IL6R: variants seen among roughly 807,000 people sequenced by gnomAD.
IL6R encodes the protein interleukin-6 receptor subunit alpha.
IL6R carries 38 observed loss-of-function variants against 48.3 expected under a neutral mutation model. The observed-to-expected ratio is 0.79, with a 90% confidence interval of 0.61 to 1.03. IL6R has a LOEUF of 1.03. Ranked by LOEUF, IL6R falls within the 50% of genes least tolerant of loss-of-function variation. The pLI, the probability that IL6R is intolerant of heterozygous loss-of-function variation, is 0.00. For synonymous variants in IL6R, 264 were observed against 256.2 expected (o/e 1.03, Z -0.29); for missense variants, 534 against 618.3 (o/e 0.86, Z 1.45).
chr1:154,431,171 C>T (rs1378244968), intron 3 of IL6R, among the ~76,000 whole-genome samples: 1 of 152,132 alleles, frequency 6.6e-6, no homozygotes, highest in Non-Finnish European at 1.5e-5. Flanking sequence ...GAAGTCACGC[C>T]TGCCTGGGGG....
At chr1:154,410,496 C>A (rs1043279565) in intron 1 of IL6R, among the ~76,000 whole-genome samples, 1 of 152,244 alleles carries the variant, frequency 6.6e-6, no homozygotes, top group African/African-American at 2.4e-5. Context: ...AGCAGTTCAC[C>A]CGCCTTGGCC....
rs1691659758 is a variant in IL6R at position 154,468,673 on chromosome 1, G to A, written c.*3293G>A. 6.6e-6 allele frequency: 1 copy of A among 152,262 alleles called. No individual in the cohort carries two copies. The highest frequency in any genetic ancestry group is 2.4e-5 in the African/African-American group (1 of 41,466). The allele number at this position is 152,262 out of a possible 1,614,324, so 9.4% of individuals were successfully genotyped here. ...GTTGCCGCGGCAGGTTGTGGAATCT[G>A]TTGCTGGAACCAGGCTGGAAGCCCA... On this transcript the variant is annotated 3_prime_UTR_variant, in exon 10 of 10. Coordinates refer to ENST00000368485, the MANE Select transcript of IL6R (RefSeq NM_000565.4).
chr1:154,456,005 C>G (rs1382155685), intron 9 of IL6R, among the ~76,000 whole-genome samples: 1 of 151,672 alleles, frequency 6.6e-6, no homozygotes, highest in Non-Finnish European at 1.5e-5. Context: ...TGCAGTGAGC[C>G]AAGATTGCGC....
intron 6 of IL6R, among the ~76,000 whole-genome samples, chr1:154,445,655 C>T (rs1484574935): frequency 2.0e-5 from 3 of 151,414 alleles, no homozygotes; most frequent in Non-Finnish European, 4.4e-5. Flanking sequence ...GAGGCTGAGG[C>T]AGGAGAATGG....
intron 3 of IL6R, 129 bp from the exon 4 acceptor site, chr1:154,434,389 AC>A: frequency 1.4e-6 from 1 of 693,564 alleles, no homozygotes; most frequent in Non-Finnish European, 2.5e-6. Flanking sequence ...AGAAAAGGAG[AC>A]TTAGAGGCAC....
intron 1 of IL6R, among the ~76,000 whole-genome samples, chr1:154,415,894 G>A (rs1688315757): frequency 6.6e-6 from 1 of 152,116 alleles, no homozygotes; most frequent in South Asian, 2.1e-4. Context: ...CAAGAGGGGA[G>A]GCAGAGGTTG....
At chr1:154,439,324 T>G (rs986928337) in intron 6 of IL6R, among the ~76,000 whole-genome samples, 1 of 152,230 alleles carries the variant, frequency 6.6e-6, no homozygotes, top group Non-Finnish European at 1.5e-5. Context: ...ATTATTATTA[T>G]TATTTTTTGA....
In IL6R at chr1:154,441,674, C is replaced by T. The variant is rs182239273; in HGVS notation, c.949+5564C>T. On this transcript the variant is annotated intron_variant, in intron 6 of 9. Coordinates refer to ENST00000368485, the MANE Select transcript of IL6R (RefSeq NM_000565.4). ...ACCACGGTTATTTGGCTGTTAGGGACGCATCAGTGTACTAAACACTGTATC... is the reference window on the plus strand; with the variant it reads ...ACCACGGTTATTTGGCTGTTAGGGATGCATCAGTGTACTAAACACTGTATC... Among the ~76,000 whole-genome samples the T allele has an allele frequency of 1.4e-4, 21 of 152,150 alleles. 1 individual carries two copies. The highest frequency in any genetic ancestry group is 2.9e-4 in the African/African-American group (12 of 41,504).
At chr1:154,425,215 T>C (rs1688898499) in intron 1 of IL6R, among the ~76,000 whole-genome samples, 1 of 152,122 alleles carries the variant, frequency 6.6e-6, no homozygotes, top group Non-Finnish European at 1.5e-5. Context: ...GAGGCAGAAA[T>C]TGGGCATAAG....
intron 1 of IL6R, among the ~76,000 whole-genome samples, chr1:154,413,161 C>A (rs1688131475): frequency 6.6e-6 from 1 of 152,104 alleles, no homozygotes; most frequent in Admixed American, 6.6e-5. Context: ...ACCACCAAGC[C>A]AGGCTAATTT....
At position 154,405,556 on chromosome 1, in the gene IL6R, G is replaced by A; in HGVS notation, c.-74G>A. ...CCGCCCACCGCCCCGCCCCGCCCCT[G>A]CCACCCCTGCCGCCCGGTTCCCATT... On this transcript the variant is annotated 5_prime_UTR_variant, in exon 1 of 10. Transcript: ENST00000368485. This position sits in a 1 kb window ranked among gnomAD's most constrained non-coding sequence, Gnocchi z 5.2. 1 of 85,364 alleles carries A rather than the reference G, an allele frequency of 1.2e-5. No individual in the cohort carries two copies. Among genetic ancestry groups the A allele is most frequent in the Non-Finnish European group, 1.8e-5 (1 of 55,350 alleles). 5.3% of individuals were successfully genotyped at this position (85,364 alleles called of 1,614,324 possible). A position where few individuals can be genotyped will look rare whatever the true frequency, so the allele number is the denominator to read the frequency against.
intron 1 of IL6R, among the ~76,000 whole-genome samples, chr1:154,421,100 G>C (rs745514347): frequency 4.6e-5 from 7 of 152,210 alleles, no homozygotes; most frequent in Non-Finnish European, 8.8e-5. Context: ...CTCCCTGTAT[G>C]TGACCCTGGC....
At chr1:154,457,673 G>T (rs1033006839) in intron 9 of IL6R, among the ~76,000 whole-genome samples, 2 of 152,142 alleles carry the variant, frequency 1.3e-5, no homozygotes, top group Non-Finnish European at 2.9e-5. Context: ...AAATTTTTCG[G>T]TGTTCACAAT....
intron 9 of IL6R, among the ~76,000 whole-genome samples, chr1:154,463,839 G>T (rs1691393157): frequency 6.6e-6 from 1 of 152,222 alleles, no homozygotes; most frequent in Non-Finnish European, 1.5e-5. Flanking sequence ...TGATCAGAAA[G>T]ATGTCTATCT....
intron 9 of IL6R, among the ~76,000 whole-genome samples, chr1:154,464,794 A>G (rs541996187): frequency 2.0e-5 from 3 of 152,122 alleles, no homozygotes; most frequent in East Asian, 3.9e-4. Flanking sequence ...CCCTGTCTCT[A>G]TGAGAAATAC....
At chr1:154,413,685 A>C (rs1688168237) in intron 1 of IL6R, among the ~76,000 whole-genome samples, 1 of 151,352 alleles carries the variant, frequency 6.6e-6, no homozygotes, top group Non-Finnish European at 1.5e-5. Flanking sequence ...CTGCCTGTTC[A>C]TATTCAATGC....
At chr1:154,461,549 G>A (rs1691266292) in intron 9 of IL6R, among the ~76,000 whole-genome samples, 1 of 152,030 alleles carries the variant, frequency 6.6e-6, no homozygotes, top group African/African-American at 2.4e-5. Flanking sequence ...TATACCCGCC[G>A]GTTATTCCTA....
chr1:154,432,503 G>A (rs1444621676), intron 3 of IL6R, among the ~76,000 whole-genome samples: 2 of 151,964 alleles, frequency 1.3e-5, no homozygotes, highest in Admixed American at 6.6e-5. Flanking sequence ...GATTACAGGC[G>A]CACACCACCA....
At chr1:154,406,252 T>A (rs1369971200) in intron 1 of IL6R, among the ~76,000 whole-genome samples, 1 of 152,196 alleles carries the variant, frequency 6.6e-6, no homozygotes, top group Non-Finnish European at 1.5e-5. Flanking sequence ...TCACGGGCGC[T>A]GAGTCACGGA....
Sources: gnomAD v4.1 joint callset for allele counts (sites outside exome capture counted in the v4.1 genomes callset) on GRCh38, gnomAD v4.1.1 for gene constraint, Gnocchi (gnomAD v3.1) non-coding constraint, MANE v1.5 for transcripts, NCBI Gene and HGNC (gene_info 2026-07-23, HGNC 2026-07-21) for gene names.